Variants in PTPRN2 observed in about 807,000 individuals in gnomAD.
PTPRN2 encodes receptor-type tyrosine-protein phosphatase N2.
In PTPRN2, 74 loss-of-function variants were observed where a neutral mutation model predicts 118.8. The ratio of observed to expected loss-of-function variants is 0.62; its 90% CI spans 0.52 to 0.76. The LOEUF is 0.76. Among genes scored for constraint, PTPRN2 ranks in the 30% least tolerant of loss-of-function variants. The probability of loss-of-function intolerance (pLI) is 0.00; values close to 1 mark genes in which losing one functional copy is unlikely to be tolerated. For missense variants in PTPRN2, 1,481 were observed against 1,394.4 expected, an observed-to-expected ratio of 1.06 and a Z score of -0.99; for synonymous variants, 641 against 608.0, an observed-to-expected ratio of 1.05 and a Z score of -0.80.
At position 157,619,126 on chromosome 7, in the gene PTPRN2, A is replaced by AC. The variant is rs373705283; in HGVS notation, c.2344+2235dup. On this transcript the variant is annotated intron_variant, in intron 15 of 22. Coordinates refer to ENST00000389418, the MANE Select transcript of PTPRN2 (RefSeq NM_002847.5). This position sits in a 1 kb window ranked among gnomAD's most constrained non-coding sequence, Gnocchi z 5.3. The stretch of plus-strand genomic sequence containing the variant: ...ACCATCACTAGGTCCCTCGCCCCCA[A>AC]CCCCCCCATCCACACTGTACAGACA... Among the ~76,000 whole-genome samples, 653 of 150,252 alleles carry AC rather than the reference A, an allele frequency of 4.3e-3. 6 individuals carry two copies. Among genetic ancestry groups the AC allele is most frequent in the African/African-American group, 0.015 (617 of 40,750 alleles).
intron 1 of PTPRN2, among the ~76,000 whole-genome samples, chr7:158,535,928 C>G (rs1178923746): frequency 6.8e-6 from 1 of 147,796 alleles, no homozygotes; most frequent in Non-Finnish European, 1.5e-5. Context: ...ATCTAAAAGT[C>G]TGGTTCCATA....
At chr7:158,258,664 T>C (rs1258207338) in intron 3 of PTPRN2, among the ~76,000 whole-genome samples, 2 of 152,224 alleles carry the variant, frequency 1.3e-5, no homozygotes, top group Non-Finnish European at 2.9e-5. Context: ...CCCTGAAGCC[T>C]TTCCTGGAAG....
rs1312871630 is a variant in PTPRN2 at position 158,425,904 on chromosome 7, G to C, written c.163+63831C>G. Among the ~76,000 whole-genome samples, 2 of 142,274 alleles carry C rather than the reference G, an allele frequency of 1.4e-5. 1 individual carries two copies. The highest frequency in any genetic ancestry group is 5.7e-5 in the African/African-American group (2 of 35,028). The allele number at this position is 142,274 out of a possible 152,430, so 93.3% of individuals were successfully genotyped here. A position where few individuals can be genotyped will look rare whatever the true frequency, so the allele number is the denominator to read the frequency against. On this transcript the variant is annotated intron_variant, in intron 2 of 22. Coordinates refer to ENST00000389418, the MANE Select transcript of PTPRN2 (RefSeq NM_002847.5). Reference sequence around the variant, plus strand: ...CTAGCTGAGGCCTGCACAGCGCCGGGAAAGACGCAGAGTCAGTCCAGCCTA... The same window carrying C: ...CTAGCTGAGGCCTGCACAGCGCCGGCAAAGACGCAGAGTCAGTCCAGCCTA...
chr7:158,033,928 G>A (rs1487580660), intron 11 of PTPRN2, among the ~76,000 whole-genome samples: 2 of 150,356 alleles, frequency 1.3e-5, no homozygotes, highest in African/African-American at 4.9e-5. Context: ...GCCCAGGTGA[G>A]CATCCCTGCC....
intron 21 of PTPRN2, among the ~76,000 whole-genome samples, chr7:157,567,934 G>C (rs981818666): frequency 2.6e-5 from 4 of 152,166 alleles, no homozygotes; most frequent in Admixed American, 6.5e-5. Flanking sequence ...CACCTGCCCT[G>C]TGATGCCCAA....
chr7:158,147,347 T>C, intron 6 of PTPRN2, among the ~76,000 whole-genome samples: 1 of 87,004 alleles, frequency 1.1e-5, no homozygotes, highest in Non-Finnish European at 2.1e-5. Flanking sequence ...ACACCCCATC[T>C]CACGCCACGT....
In PTPRN2 at chr7:158,529,924, C is replaced by A. The variant is rs890239580; in HGVS notation, c.113-40139G>T. On this transcript the variant is annotated intron_variant, in intron 1 of 22. Coordinates refer to ENST00000389418, the MANE Select transcript of PTPRN2 (RefSeq NM_002847.5). The surrounding 1 kb of genome is among the most constrained non-coding windows in gnomAD (Gnocchi z 4.7). ...CACACAGCACACATATGCACGCTAC[C>A]ACACACATGCACACATGTATCTCAC... 6.6e-6 allele frequency among the ~76,000 whole-genome samples: 1 copy of A among 152,020 alleles called. No individual in the cohort carries two copies. The highest frequency in any genetic ancestry group is 2.4e-5 in the African/African-American group (1 of 41,360).
At position 157,642,814 on chromosome 7, in the gene PTPRN2, CAAAAAAAAAAA is replaced by C. The variant is rs11335302; in HGVS notation, c.2196+13532_2196+13542del. Among the ~76,000 whole-genome samples the C allele has an allele frequency of 4.5e-3, 109 of 24,216 alleles. 1 individual carries two copies. Among genetic ancestry groups the C allele is most frequent in the African/African-American group, 0.011 (105 of 9,142 alleles). 15.9% of individuals were successfully genotyped at this position (24,216 alleles called of 152,430 possible). ...AAGGGTCTACCAAGTCAAGAAACAG[CAAAAAAAAAAA>C]AAAAAAAAAAAAAAAAAAAGCAGCT... On this transcript the variant is annotated intron_variant, in intron 14 of 22. Transcript: ENST00000389418.
chr7:158,327,568 A>G (rs1232895131), intron 2 of PTPRN2, among the ~76,000 whole-genome samples: 1 of 152,204 alleles, frequency 6.6e-6, no homozygotes, highest in Non-Finnish European at 1.5e-5. Flanking sequence ...ATGCTCACAC[A>G]TGTACATGTT....
Position 158,491,493 on chromosome 7 carries a change from A to G in PTPRN2, c.113-1708T>C, listed in dbSNP as rs144603574. ...TTTTGAAATAACAATCTCATGAAAAACAGATTTTTTTTTTTGATGGAGTCT... is the reference window on the plus strand; with the variant it reads ...TTTTGAAATAACAATCTCATGAAAAGCAGATTTTTTTTTTTGATGGAGTCT... On this transcript the variant is annotated intron_variant, in intron 1 of 22. Transcript: ENST00000389418. Among the ~76,000 whole-genome samples the G allele has an allele frequency of 7.2e-4, 109 of 152,010 alleles. 2 individuals carry two copies. The East Asian group carries it at 0.015, about 21-fold the overall frequency.
intron 11 of PTPRN2, among the ~76,000 whole-genome samples, chr7:158,061,251 T>C (rs11982669): frequency 0.079 from 12,051 of 152,310 alleles, 643 homozygotes; most frequent in Non-Finnish European, 0.1. Context: ...GCGTCCCGCC[T>C]CTGCAATTAC....
At chr7:158,337,046 C>G (rs1389389458) in intron 2 of PTPRN2, among the ~76,000 whole-genome samples, 1 of 77,278 alleles carries the variant, frequency 1.3e-5, no homozygotes, top group Non-Finnish European at 3.3e-5. Flanking sequence ...ATCACTCACA[C>G]CCACACTGTC....
intron 2 of PTPRN2, among the ~76,000 whole-genome samples, chr7:158,341,431 A>G (rs1324391953): frequency 5.3e-4 from 78 of 147,202 alleles, no homozygotes; most frequent in African/African-American, 2.0e-3. Context: ...TCACACCCAC[A>G]CTCTCACCAT....
At chr7:158,413,019 G>A (rs536350310) in intron 2 of PTPRN2, among the ~76,000 whole-genome samples, 28 of 148,340 alleles carry the variant, frequency 1.9e-4, no homozygotes, top group Non-Finnish European at 3.3e-4. Flanking sequence ...GGCCCATCCA[G>A]TGGCCTCCTC....
At chr7:157,748,194 C>T (rs1420469288) in intron 12 of PTPRN2, among the ~76,000 whole-genome samples, 1 of 149,924 alleles carries the variant, frequency 6.7e-6, no homozygotes, top group East Asian at 2.0e-4. Flanking sequence ...AGGCCTGCGT[C>T]CCTGAGCTGT....
intron 14 of PTPRN2, among the ~76,000 whole-genome samples, chr7:157,631,954 A>T (rs1803989928): frequency 6.6e-6 from 1 of 152,226 alleles, no homozygotes; most frequent in South Asian, 2.1e-4. Flanking sequence ...CTTGCCTCTA[A>T]TAGAGGCACT....
intron 2 of PTPRN2, among the ~76,000 whole-genome samples, chr7:158,417,349 C>T (rs1814767520): frequency 6.6e-6 from 1 of 150,560 alleles, no homozygotes; most frequent in Non-Finnish European, 1.5e-5. Context: ...TTTCAGTGTC[C>T]CGCTGTGCTG....
At chr7:157,996,894 C>A (rs1804787762) in intron 11 of PTPRN2, among the ~76,000 whole-genome samples, 1 of 152,220 alleles carries the variant, frequency 6.6e-6, no homozygotes. Flanking sequence ...GGAGACCCAA[C>A]CTCCCTGACA....
At position 157,603,338 on chromosome 7, in the gene PTPRN2, G is replaced by A. The variant is rs1371997803; in HGVS notation, c.2418+664C>T. Among the ~76,000 whole-genome samples, 1 of 152,188 alleles carries A rather than the reference G, an allele frequency of 6.6e-6. No homozygotes were observed. The highest frequency in any genetic ancestry group is 1.5e-5 in the Non-Finnish European group (1 of 68,036). ...AGGGGGATGCCCAGAGTTAAATAGG[G>A]TGAGAGCCGCGTCTAGCATGGGCTG... On this transcript the variant is annotated intron_variant, in intron 16 of 22. Coordinates refer to ENST00000389418, the MANE Select transcript of PTPRN2 (RefSeq NM_002847.5). This position sits in a 1 kb window ranked among gnomAD's most constrained non-coding sequence, Gnocchi z 5.4.
Sources: gnomAD v4.1 joint callset for allele counts (sites outside exome capture counted in the v4.1 genomes callset) on GRCh38, gnomAD v4.1.1 for gene constraint, Gnocchi (gnomAD v3.1) non-coding constraint, MANE v1.5 for transcripts, NCBI Gene and HGNC (gene_info 2026-07-23, HGNC 2026-07-21) for gene names.